ACO1: variants seen among roughly 807,000 people sequenced by gnomAD.
ACO1 encodes aconitase 1.
Under a neutral mutation model 105.1 loss-of-function variants are expected in ACO1, and 78 were observed. That is an observed-to-expected ratio of 0.74 (90% confidence interval 0.62 to 0.90). The LOEUF is 0.90. ACO1 is among the 40% of genes least tolerant of loss of function. The pLI is 0.00. For synonymous variants in ACO1, 364 were observed against 397.4 expected (o/e 0.92, Z 1.00); for missense variants, 965 against 1,111.1 (o/e 0.87, Z 1.87).
chr9:32,419,368 T>C (rs1183934083), intron 7 of ACO1, among the ~76,000 whole-genome samples, 191 bp downstream of exon 7: 1 of 152,264 alleles, frequency 6.6e-6, no homozygotes, highest in Admixed American at 6.5e-5. Flanking sequence ...ATGTTTGTTT[T>C]CTTCTAGTAT....
At chr9:32,388,421 G>T (rs902105591) in intron 1 of ACO1, among the ~76,000 whole-genome samples, 1 of 152,072 alleles carries the variant, frequency 6.6e-6, no homozygotes, top group Non-Finnish European at 1.5e-5. Flanking sequence ...TGTAGTCCCA[G>T]CTACTTGGGA....
Position 32,453,612 on chromosome 9 carries a change from A to T in ACO1, c.*3501A>T, listed in dbSNP as rs1181396977. 6.6e-6 allele frequency: 1 copy of T among 152,230 alleles called. No homozygotes were observed. Among genetic ancestry groups the T allele is most frequent in the Admixed American group, 6.5e-5 (1 of 15,286 alleles). 9.4% of individuals were successfully genotyped at this position (152,230 alleles called of 1,614,324 possible). A position where few individuals can be genotyped will look rare whatever the true frequency, so the allele number is the denominator to read the frequency against. On this transcript the variant is annotated 3_prime_UTR_variant, in exon 21 of 21. Transcript: ENST00000309951. ...TTGTGATCGTAGAGATTTGTCTCCC[A>T]GTATTCCCTAGGGCAAAAATATTGG...
At chr9:32,416,703 C>T (rs1380401204) in intron 4 of ACO1, among the ~76,000 whole-genome samples, 1 of 152,178 alleles carries the variant, frequency 6.6e-6, no homozygotes, top group African/African-American at 2.4e-5. Flanking sequence ...TAGCATGTGG[C>T]AGGCTCTGGG....
intron 1 of ACO1, 135 bp downstream of exon 1, chr9:32,384,870 G>A (rs1313928241): frequency 4.1e-6 from 1 of 246,080 alleles, no homozygotes; most frequent in Non-Finnish European, 8.6e-6. Flanking sequence ...GCGAGCTTGG[G>A]GAGGCTGAGA....
rs774527267 is a variant in ACO1, at chr9:32,419,083, T to A, written c.704T>A (p.Ile235Asn). 1.1e-5 allele frequency: 17 copies of A among 1,608,158 alleles called. No homozygotes were observed. Among genetic ancestry groups the A allele is most frequent in the Non-Finnish European group, 1.4e-5 (17 of 1,177,148 alleles). ...GAAGCTGTCATGCTGGGTCAGCCAA[T>A]CAGTATGGTGCTTCCTCAGGTGATT... is the stretch of plus-strand genomic sequence containing the variant. ...EAEAVMLGQP[I>N]SMVLPQVIGY... The change falls in exon 7 of 21, where the codon ATC becomes AAC. Residue 235 changes from isoleucine (I) to asparagine (N), a missense_variant. By Grantham distance (149) the Ile-to-Asn change is moderately radical. Coordinates refer to ENST00000309951, the MANE Select transcript of ACO1 (RefSeq NM_002197.3).
At chr9:32,418,576 T>A in intron 6 of ACO1, 65 bp downstream of exon 6, 1 of 1,499,022 alleles carries the variant, frequency 6.7e-7, no homozygotes, top group South Asian at 1.3e-5. Flanking sequence ...TTCTATTACA[T>A]CTCAGTAACA....
chr9:32,434,775 T>C (rs1263546225), intron 17 of ACO1, 74 bp downstream of exon 17: 1 of 1,550,730 alleles, frequency 6.4e-7, no homozygotes, highest in Non-Finnish European at 8.8e-7. Flanking sequence ...GCATTTCTCT[T>C]TTCACCTGGC....
chr9:32,429,679 A>G (rs1317263068), intron 13 of ACO1, among the ~76,000 whole-genome samples, 176 bp downstream of exon 13: 4 of 152,238 alleles, frequency 2.6e-5, no homozygotes, highest in Admixed American at 2.6e-4. Context: ...TAATTAACCT[A>G]TCTGTGCCTG....
Position 32,440,605 on chromosome 9 carries a change from A to G in ACO1, c.2370+18A>G, listed in dbSNP as rs764536510. ...TCCTGCTGGTGAGTATGAAGTAGAC[A>G]TCCTAGGAGGCAGCTCCCCTCTGAA... On this transcript the variant is annotated intron_variant, in intron 19 of 20. Transcript: ENST00000309951. 2 of 1,611,818 alleles carry G rather than the reference A, an allele frequency of 1.2e-6. No individual in the cohort carries two copies. The highest frequency in any genetic ancestry group is 1.3e-5 in the African/African-American group (1 of 74,792).
At chr9:32,409,637 G>A (rs1033511314) in intron 4 of ACO1, among the ~76,000 whole-genome samples, 24 of 152,044 alleles carry the variant, frequency 1.6e-4, no homozygotes, top group African/African-American at 4.8e-4. Flanking sequence ...GATCGCTTGA[G>A]CCCAGGAGTT....
In ACO1 at chr9:32,386,879, C is replaced by T. The variant is rs369768381; in HGVS notation, c.-23+2144C>T. Among the ~76,000 whole-genome samples, 7 of 152,102 alleles carry T rather than the reference C, an allele frequency of 4.6e-5. No individual in the cohort carries two copies. The South Asian group carries it at 1.4e-3, about 32-fold the overall frequency. On this transcript the variant is annotated intron_variant, in intron 1 of 20. Coordinates refer to ENST00000309951, the MANE Select transcript of ACO1 (RefSeq NM_002197.3). The stretch of plus-strand genomic sequence containing the variant: ...AGTAGTGAGCACAAAAGATGCAGTC[C>T]CTGTCTTTCTGGCAATTATGGTCTG...
chr9:32,430,444 A>C lies in ACO1; in HGVS notation c.1596A>C (p.Leu532=), dbSNP rs776856731. 2.0e-5 allele frequency: 32 copies of C among 1,612,430 alleles called. No homozygotes were observed. The highest frequency in any genetic ancestry group is 2.5e-5 in the Non-Finnish European group (29 of 1,179,416). The change falls in exon 14 of 21, where the codon CTA becomes CTC. Residue 532 remains leucine (L), a synonymous_variant. Coordinates refer to ENST00000309951, the MANE Select transcript of ACO1 (RefSeq NM_002197.3). ...GAGACCTTGTAGCTGTTGGAGTACTATCTGGAAACAGGAATTTTGAAGGTC... is the reference window on the plus strand; with the variant it reads ...GAGACCTTGTAGCTGTTGGAGTACTCTCTGGAAACAGGAATTTTGAAGGTC... The part of the protein sequence containing the change: ...TQGDLVAVGV[L]SGNRNFEGRV...
intron 11 of ACO1, 81 bp downstream of exon 11, chr9:32,426,078 G>A (rs140192396): frequency 3.2e-5 from 47 of 1,448,038 alleles, no homozygotes; most frequent in African/African-American, 2.6e-4. Flanking sequence ...GGGCCTTGGC[G>A]GAGTTGTACA....
In ACO1 at chr9:32,427,407, C is replaced by G. The variant is rs781389337; in HGVS notation, c.1455C>G (p.Ser485Arg). ...TGGTCACCTACTACCTACAAGAAAG[C>G]GGAGTCATGCCTTATCTGTCTCAGC... ...SGVVTYYLQE[S>R]GVMPYLSQLG... Residue 485 changes from serine (S) to arginine (R), a missense_variant, in exon 12 of 21, where the codon AGC (serine) becomes AGG (arginine). Ser to Arg is a moderately radical substitution (Grantham distance 110, BLOSUM62 -1). Coordinates refer to ENST00000309951, the MANE Select transcript of ACO1 (RefSeq NM_002197.3). 7 of 1,614,030 alleles carry G rather than the reference C, an allele frequency of 4.3e-6. No individual in the cohort carries two copies. Among genetic ancestry groups the G allele is most frequent in the Non-Finnish European group, 5.9e-6 (7 of 1,180,016 alleles).
chr9:32,427,331 G>C lies in ACO1; in HGVS notation c.1379G>C (p.Gly460Ala). The change falls in exon 12 of 21, where the codon GGC becomes GCC. Residue 460 changes from glycine (G) to alanine (A), a missense_variant. Physicochemically the swap from Gly to Ala is moderately conservative, Grantham distance 60. Transcript: ENST00000309951. Reference sequence around the variant, plus strand: ...TTAGCAAAGAAAGCTGTGGATGCTGGCCTGAACGTGATGCCTTACATCAAA... The same window carrying C: ...TTAGCAAAGAAAGCTGTGGATGCTGCCCTGAACGTGATGCCTTACATCAAA... ...GLLAKKAVDA[G>A]LNVMPYIKTS... is the part of the protein sequence containing the mutation. 6.2e-7 allele frequency: 1 copy of C among 1,614,194 alleles called. No individual in the cohort carries two copies. Among genetic ancestry groups the C allele is most frequent in the South Asian group, 1.1e-5 (1 of 91,084 alleles).
Position 32,431,622 on chromosome 9 carries a change from T to C in ACO1, c.1727-97T>C, listed in dbSNP as rs77611189. 4.8e-3 allele frequency: 6,542 copies of C among 1,358,440 alleles called. 257 individuals are homozygous for C. In the African/African-American group the frequency reaches 0.082, roughly 17 times the overall value. 84.1% of individuals were successfully genotyped at this position (1,358,440 alleles called of 1,614,324 possible). A position where few individuals can be genotyped will look rare whatever the true frequency, so the allele number is the denominator to read the frequency against. On this transcript the variant is annotated intron_variant, in intron 14 of 20. Transcript: ENST00000309951. ...TCATTCAGTGTTCACACGGGCTTTA[T>C]AGAACATAACTACCGAGGAGAACGA...
intron 17 of ACO1, 83 bp from the exon 18 acceptor site, chr9:32,436,167 T>G (rs1215128872): frequency 1.3e-6 from 2 of 1,568,406 alleles, no homozygotes; most frequent in African/African-American, 1.4e-5. Context: ...TGTTTTGTTT[T>G]GTTTTTTTCT....
chr9:32,425,178 T>C (rs1326703387), intron 10 of ACO1, among the ~76,000 whole-genome samples: 1 of 152,250 alleles, frequency 6.6e-6, no homozygotes, highest in Non-Finnish European at 1.5e-5. Context: ...TTTGCATGTA[T>C]GATTTCTGTT....
intron 3 of ACO1, among the ~76,000 whole-genome samples, 156 bp downstream of exon 3, chr9:32,407,585 C>G (rs897087560): frequency 6.6e-6 from 1 of 152,154 alleles, no homozygotes; most frequent in Non-Finnish European, 1.5e-5. Flanking sequence ...CTTTTGAAAG[C>G]TAAGGGTGTC....
Sources: allele counts gnomAD v4.1 joint callset (sites outside exome capture counted in the v4.1 genomes callset), GRCh38; gene constraint gnomAD v4.1.1; transcripts MANE v1.5; gene names NCBI Gene and HGNC (gene_info 2026-07-23, HGNC 2026-07-21).